Variants in PCDH11X observed in about 807,000 individuals in gnomAD.
The protein encoded by PCDH11X is protocadherin-11 X-linked.
A neutral mutation model predicts 53.3 loss-of-function variants in PCDH11X; 18 were observed. The ratio of observed to expected loss-of-function variants is 0.34; its 90% CI spans 0.23 to 0.50. The LOEUF (loss-of-function observed/expected upper bound fraction) is 0.50, where lower values mean the gene tolerates loss of function less well. Ranked by LOEUF, PCDH11X falls within the 20% of genes least tolerant of loss-of-function variation. The pLI is 0.98. For synonymous variants in PCDH11X, 279 were observed against 393.3 expected, an observed-to-expected ratio of 0.71 and a Z score of 3.44; for missense variants, 570 against 1,032.4, an observed-to-expected ratio of 0.55 and a Z score of 6.14.
intron 8 of PCDH11X, among the ~76,000 whole-genome samples, chrX:92,281,155 G>T (rs981359518): frequency 1.8e-5 from 2 of 111,394 alleles, no homozygotes; most frequent in Non-Finnish European, 3.8e-5. Flanking sequence ...TCATCATCCT[G>T]CTACTTATCT....
chrX:92,328,554 C>A (rs917167045), intron 8 of PCDH11X, among the ~76,000 whole-genome samples: 10 of 109,986 alleles, frequency 9.1e-5, no homozygotes, highest in Non-Finnish European at 1.7e-4. Context: ...AAACTCTAGG[C>A]AAACTGATAA....
chrX:91,914,335 A>G (rs901653359), intron 6 of PCDH11X, among the ~76,000 whole-genome samples: 1 of 111,304 alleles, frequency 9.0e-6, no homozygotes, highest in Non-Finnish European at 1.9e-5. Context: ...CCTGTTATAG[A>G]ACACGGTTCT....
At chrX:92,045,691 G>A (rs1356189382) in intron 6 of PCDH11X, among the ~76,000 whole-genome samples, 1 of 104,598 alleles carries the variant, frequency 9.6e-6, no homozygotes, top group African/African-American at 3.5e-5. Flanking sequence ...TGTAATCCCA[G>A]CACTTTCGAA....
intron 6 of PCDH11X, among the ~76,000 whole-genome samples, chrX:91,963,590 C>T (rs1022753362): frequency 9.0e-5 from 10 of 111,449 alleles, no homozygotes; most frequent in African/African-American, 3.0e-4. Context: ...CTTCTGAGCC[C>T]TCCAAGCTTT....
At chrX:92,286,936 G>A (rs2068387559) in intron 8 of PCDH11X, among the ~76,000 whole-genome samples, 1 of 99,978 alleles carries the variant, frequency 1.0e-5, no homozygotes, top group African/African-American at 3.6e-5. Context: ...TTTTAAGTAA[G>A]TGAATATTAA....
At position 91,801,177 on chromosome X, in the gene PCDH11X, C is replaced by T. The variant is rs1935923197; in HGVS notation, c.-378-8289C>T. ...CCTGGGCAACAGAACAAGACCCTGC[C>T]TCAAAAAAAAAAAAAAAAAAAGAGT... is the stretch of plus-strand genomic sequence containing the variant. On this transcript the variant is annotated intron_variant, in intron 1 of 10. Coordinates refer to ENST00000682573, the MANE Select transcript of PCDH11X (RefSeq NM_032968.5). Among the ~76,000 whole-genome samples, 3 of 70,683 alleles carry T rather than the reference C, an allele frequency of 4.2e-5. No individual in the cohort carries two copies. In the Admixed American group the frequency reaches 4.4e-4, roughly 10 times the overall value. The allele number at this position is 70,683 out of a possible 115,157, so 61.4% of individuals were successfully genotyped here.
intron 1 of PCDH11X, among the ~76,000 whole-genome samples, chrX:91,789,200 CAAAAAAA>C (rs764959497): frequency 0.33 from 15,388 of 46,396 alleles, 952 homozygotes; most frequent in East Asian, 0.42. Flanking sequence ...GACTCCGTCT[CAAAAAAA>C]AAAAAAAAAA....
At chrX:92,281,096 C>A (rs746214152) in intron 8 of PCDH11X, among the ~76,000 whole-genome samples, 16 of 111,143 alleles carry the variant, frequency 1.4e-4, no homozygotes, top group African/African-American at 4.9e-4. Flanking sequence ...TTGTGAACTG[C>A]AATCATTGAA....
At chrX:91,832,456 A>G (rs1260273672) in intron 4 of PCDH11X, among the ~76,000 whole-genome samples, 3 of 89,531 alleles carry the variant, frequency 3.4e-5, no homozygotes, top group Non-Finnish European at 6.4e-5. Flanking sequence ...GAACACTTGG[A>G]CACAGGGTGG....
intron 7 of PCDH11X, among the ~76,000 whole-genome samples, chrX:92,249,721 A>G (rs1225154030): frequency 8.9e-6 from 1 of 111,991 alleles, no homozygotes; most frequent in Non-Finnish European, 1.9e-5. Context: ...GCTTTGTTAG[A>G]TGGACCCTAG....
At chrX:92,388,407 T>G (rs956151404) in intron 9 of PCDH11X, among the ~76,000 whole-genome samples, 3 of 107,278 alleles carry the variant, frequency 2.8e-5, no homozygotes, top group African/African-American at 1.0e-4. Flanking sequence ...TTTTCAGCAA[T>G]ATACTGAAAT....
At chrX:92,279,031 G>A (rs902685969) in intron 8 of PCDH11X, among the ~76,000 whole-genome samples, 4 of 110,405 alleles carry the variant, frequency 3.6e-5, no homozygotes, top group East Asian at 5.8e-4. Flanking sequence ...GGCTGGTCTC[G>A]AACTCCCGAC....
At chrX:92,084,538 C>CAG (rs2063918077) in intron 6 of PCDH11X, among the ~76,000 whole-genome samples, 1 of 61,948 alleles carries the variant, frequency 1.6e-5, no homozygotes, top group South Asian at 8.7e-4. Context: ...AACACAGTCT[C>CAG]AAAAAAAAAA....
chrX:92,324,804 G>GT (rs1343782130), intron 8 of PCDH11X, among the ~76,000 whole-genome samples: 4 of 95,835 alleles, frequency 4.2e-5, no homozygotes, highest in Admixed American at 2.4e-4. Context: ...CCGATAAGCA[G>GT]TTTTTTTATT....
chrX:91,928,255 T>C (rs189425777), intron 6 of PCDH11X, among the ~76,000 whole-genome samples: 3,524 of 109,588 alleles, frequency 0.032, 65 homozygotes, highest in Non-Finnish European at 0.045. Flanking sequence ...TAATCAAACG[T>C]GGCTCTTGTG....
chrX:91,878,837 T>A lies in PCDH11X; in HGVS notation c.2597T>A (p.Met866Lys), dbSNP rs760803789. The change falls in exon 6 of 11, where the codon ATG becomes AAG. Residue 866 changes from methionine (M) to lysine (K), a missense_variant. Coordinates refer to ENST00000682573, the MANE Select transcript of PCDH11X (RefSeq NM_032968.5). The part of the protein sequence containing the change: ...TPNPENRQMI[M>K]MKKKKKKKKH... ...AACCCAGAAAACAGGCAGATGATAA[T>A]GATGAAGAAAAAGAAAAAGAAGAAG... 2 of 1,211,050 alleles carry A rather than the reference T, an allele frequency of 1.7e-6. No individual in the cohort carries two copies. Among genetic ancestry groups the A allele is most frequent in the Non-Finnish European group, 2.2e-6 (2 of 895,348 alleles).
chrX:92,341,747 C>T lies in PCDH11X; in HGVS notation c.3145-45988C>T, dbSNP rs1461396651. Among the ~76,000 whole-genome samples, 4 of 111,665 alleles carry T rather than the reference C, an allele frequency of 3.6e-5. No individual in the cohort carries two copies. The Admixed American group carries it at 3.8e-4, about 11-fold the overall frequency. ...ATCTAATTACTCTCACCAGGCCCCA[C>T]CTCCAACATTAGGCATTACAGTTCA... On this transcript the variant is annotated intron_variant, in intron 8 of 10. Coordinates refer to ENST00000682573, the MANE Select transcript of PCDH11X (RefSeq NM_032968.5).
chrX:91,921,560 C>T (rs1363464005), intron 6 of PCDH11X, among the ~76,000 whole-genome samples: 4 of 107,370 alleles, frequency 3.7e-5, no homozygotes, highest in Non-Finnish European at 7.7e-5. Flanking sequence ...TAGAATCATA[C>T]AGTATGTAGC....
intron 9 of PCDH11X, among the ~76,000 whole-genome samples, chrX:92,463,124 T>G (rs1230187780): frequency 9.2e-6 from 1 of 108,987 alleles, no homozygotes; most frequent in African/African-American, 3.4e-5. Flanking sequence ...GAGGTGGAAA[T>G]TTTTGCCTTA....
Sources: allele counts gnomAD v4.1 joint callset (sites outside exome capture counted in the v4.1 genomes callset), GRCh38; gene constraint gnomAD v4.1.1; transcripts MANE v1.5; gene names NCBI Gene and HGNC (gene_info 2026-07-23, HGNC 2026-07-21).